Variants in CNOT6L observed in about 807,000 individuals in gnomAD.
CNOT6L encodes CCR4-NOT transcription complex subunit 6 like, also known as CCR4-NOT transcription complex subunit 6-like.
CNOT6L carries 7 observed loss-of-function variants against 64.0 expected under a neutral mutation model. The observed-to-expected ratio is 0.11, with a 90% CI of 0.06 to 0.21. The LOEUF is 0.21. CNOT6L is among the 10% of genes least tolerant of loss of function. The pLI, the probability that CNOT6L is intolerant of heterozygous loss-of-function variation, is 1.00. For missense variants in CNOT6L, 245 were observed against 669.0 expected (o/e 0.37, Z 6.99); for synonymous variants, 193 against 243.4 (o/e 0.79, Z 1.93).
intron 1 of CNOT6L, among the ~76,000 whole-genome samples, chr4:77,818,422 C>T (rs968885827): frequency 2.0e-5 from 3 of 152,168 alleles, no homozygotes; most frequent in Non-Finnish European, 2.9e-5. Context: ...CTTCCTCAGC[C>T]CTTCCAAGAA....
intron 1 of CNOT6L, among the ~76,000 whole-genome samples, chr4:77,794,707 A>C (rs1730603963): frequency 6.6e-6 from 1 of 152,226 alleles, no homozygotes; most frequent in Non-Finnish European, 1.5e-5. Context: ...CTAAGATCAG[A>C]AACAGGGCAA....
intron 11 of CNOT6L, among the ~76,000 whole-genome samples, chr4:77,725,286 G>A (rs1222127225): frequency 3.3e-5 from 5 of 152,112 alleles, no homozygotes; most frequent in African/African-American, 1.2e-4. Flanking sequence ...ATATAAGGGA[G>A]GCCATTTGTA....
chr4:77,755,000 A>ACAAAAAAG (rs1467308612), intron 5 of CNOT6L, among the ~76,000 whole-genome samples: 4 of 150,912 alleles, frequency 2.7e-5, no homozygotes, highest in Non-Finnish European at 4.4e-5. Flanking sequence ...CGGTACCATA[A>ACAAAAAAG]CAAAAAAGAT....
At chr4:77,762,144 A>G (rs1282025579) in intron 4 of CNOT6L, among the ~76,000 whole-genome samples, 2 of 152,182 alleles carry the variant, frequency 1.3e-5, no homozygotes, top group Admixed American at 1.3e-4. Context: ...AGATTAAGGT[A>G]TTGATTATCC....
At chr4:77,759,284 G>A (rs72864951) in intron 4 of CNOT6L, among the ~76,000 whole-genome samples, 2,748 of 151,846 alleles carry the variant, frequency 0.018, 76 homozygotes, top group African/African-American at 0.063. Flanking sequence ...GATGGGTTGT[G>A]GCTGGGCACG....
chr4:77,819,074 A>ACACACACACACCCC (rs368900394), intron 1 of CNOT6L: 1 of 715,990 alleles, frequency 1.4e-6, no homozygotes, highest in Non-Finnish European at 2.4e-6. Flanking sequence ...ACACACACAC[A>ACACACACACACCCC]CCCCGGAACC....
chr4:77,733,453 T>G (rs1166191257), intron 8 of CNOT6L, among the ~76,000 whole-genome samples: 3 of 152,134 alleles, frequency 2.0e-5, no homozygotes, highest in Admixed American at 6.6e-5. Context: ...ATGTTAAAAC[T>G]TGTATTTGAA....
intron 1 of CNOT6L, among the ~76,000 whole-genome samples, chr4:77,818,206 C>T (rs866186049): frequency 1.1e-4 from 17 of 152,210 alleles, no homozygotes; most frequent in Non-Finnish European, 7.3e-5. Context: ...CTCAGCTAAA[C>T]TCCCTGAACA....
intron 1 of CNOT6L, among the ~76,000 whole-genome samples, chr4:77,786,511 T>A (rs533286549): frequency 6.6e-6 from 1 of 152,248 alleles, no homozygotes; most frequent in Non-Finnish European, 1.5e-5. Flanking sequence ...TCTTACTCTG[T>A]CACTCAGGCT....
chr4:77,764,920 T>C (rs551597106), intron 4 of CNOT6L, among the ~76,000 whole-genome samples: 5 of 152,306 alleles, frequency 3.3e-5, no homozygotes, highest in African/African-American at 7.2e-5. Flanking sequence ...CAGAGTTCTC[T>C]GAACCAGAGC....
intron 4 of CNOT6L, among the ~76,000 whole-genome samples, chr4:77,765,160 C>CAGCT (rs1454105588): frequency 1.3e-5 from 2 of 152,166 alleles, no homozygotes; most frequent in Non-Finnish European, 1.5e-5. Flanking sequence ...ACACTCCCAC[C>CAGCT]AGCTCCATGA....
intron 4 of CNOT6L, among the ~76,000 whole-genome samples, chr4:77,759,609 CA>C (rs1376147875): frequency 1.3e-5 from 2 of 150,238 alleles, no homozygotes; most frequent in East Asian, 3.9e-4. Context: ...GTTGAAAGAA[CA>C]ACCATATCAA....
chr4:77,780,186 A>G (rs1728700609), intron 1 of CNOT6L, among the ~76,000 whole-genome samples: 1 of 152,238 alleles, frequency 6.6e-6, no homozygotes, highest in South Asian at 2.1e-4. Flanking sequence ...AAACAGTCTC[A>G]TATACAGCTC....
At chr4:77,744,694 A>G (rs1442513093) in intron 7 of CNOT6L, 24 bp downstream of exon 7, 1 of 1,581,858 alleles carries the variant, frequency 6.3e-7, no homozygotes, top group Non-Finnish European at 8.6e-7. Flanking sequence ...TAAGTTAAAG[A>G]CAGTTTAATT....
At chr4:77,764,822 A>G (rs1577961520) in intron 4 of CNOT6L, among the ~76,000 whole-genome samples, 1 of 152,218 alleles carries the variant, frequency 6.6e-6, no homozygotes, top group Admixed American at 6.5e-5. Context: ...GCCCCTGTTC[A>G]GCATGAAGAA....
At chr4:77,742,928 C>T (rs1723750295) in intron 7 of CNOT6L, among the ~76,000 whole-genome samples, 1 of 152,012 alleles carries the variant, frequency 6.6e-6, no homozygotes, top group Admixed American at 6.6e-5. Context: ...ATGTTTCTAA[C>T]AGCATGAGTT....
intron 3 of CNOT6L, among the ~76,000 whole-genome samples, chr4:77,774,004 T>G (rs1039081673): frequency 6.6e-6 from 1 of 152,166 alleles, no homozygotes; most frequent in African/African-American, 2.4e-5. Context: ...TAAAAATTAT[T>G]ACTCAACAGA....
rs1720534542 is a variant in CNOT6L at position 77,714,463 on chromosome 4, A to C, written c.*5968T>G. 1.4e-5 allele frequency: 1 copy of C among 73,898 alleles called. No individual in the cohort carries two copies. Among genetic ancestry groups the C allele is most frequent in the African/African-American group, 5.1e-5 (1 of 19,562 alleles). 4.6% of individuals were successfully genotyped at this position (73,898 alleles called of 1,614,324 possible). A position where few individuals can be genotyped will look rare whatever the true frequency, so the allele number is the denominator to read the frequency against. ...TAAAAAAAAAAAAAAAAAAAAAAAA[A>C]AAAAAAAAAAAAGCCCTCCATACTT... On this transcript the variant is annotated 3_prime_UTR_variant, in exon 12 of 12. Transcript: ENST00000504123.
intron 1 of CNOT6L, among the ~76,000 whole-genome samples, chr4:77,784,263 T>C (rs1472374562): frequency 6.6e-6 from 1 of 152,136 alleles, no homozygotes; most frequent in Non-Finnish European, 1.5e-5. Flanking sequence ...CATACATAAA[T>C]ACTAAAATAA....
Sources: allele counts gnomAD v4.1 joint callset (sites outside exome capture counted in the v4.1 genomes callset), GRCh38; gene constraint gnomAD v4.1.1; transcripts MANE v1.5; gene names NCBI Gene and HGNC (gene_info 2026-07-23, HGNC 2026-07-21).